Variants in PTPRN2 observed in about 807,000 individuals in gnomAD.
The protein encoded by PTPRN2 is receptor-type tyrosine-protein phosphatase N2.
A neutral mutation model predicts 118.8 loss-of-function variants in PTPRN2; 74 were observed. The ratio of observed to expected loss-of-function variants is 0.62; its 90% CI spans 0.52 to 0.76. The LOEUF (loss-of-function observed/expected upper bound fraction) is 0.76. Ranked by LOEUF, PTPRN2 falls within the 30% of genes least tolerant of loss-of-function variation. PTPRN2 has a pLI of 0.00. For missense variants in PTPRN2, 1,481 were observed against 1,394.4 expected, an observed-to-expected ratio of 1.06 and a Z score of -0.99; for synonymous variants, 641 against 608.0, an observed-to-expected ratio of 1.05 and a Z score of -0.80.
At chr7:157,838,290 C>T (rs572851836) in intron 12 of PTPRN2, among the ~76,000 whole-genome samples, 8 of 149,308 alleles carry the variant, frequency 5.4e-5, no homozygotes, top group Admixed American at 1.3e-4. Flanking sequence ...TCCAGTTCCT[C>T]TCGTAGTGGA....
intron 12 of PTPRN2, among the ~76,000 whole-genome samples, chr7:157,883,249 C>G (rs1049273522): frequency 6.8e-6 from 1 of 147,368 alleles, no homozygotes; most frequent in Non-Finnish European, 1.5e-5. Flanking sequence ...TGTCAGAGAC[C>G]AGAACACACC....
At chr7:157,662,928 C>G (rs1795964686) in intron 13 of PTPRN2, among the ~76,000 whole-genome samples, 1 of 152,154 alleles carries the variant, frequency 6.6e-6, no homozygotes, top group African/African-American at 2.4e-5. Context: ...CACCTAACCT[C>G]ACGGCTCAGC....
intron 1 of PTPRN2, among the ~76,000 whole-genome samples, chr7:158,503,464 C>A (rs1822519766): frequency 6.6e-6 from 1 of 152,210 alleles, no homozygotes; most frequent in Non-Finnish European, 1.5e-5. Context: ...GATGGCACCC[C>A]TTCCTCCCCC....
At chr7:158,411,534 G>A (rs930360522) in intron 2 of PTPRN2, among the ~76,000 whole-genome samples, 3 of 152,158 alleles carry the variant, frequency 2.0e-5, no homozygotes, top group Admixed American at 6.5e-5. Flanking sequence ...CTGTCGTCCC[G>A]GGAACAGGGG....
chr7:157,966,024 C>T (rs1345117984), intron 11 of PTPRN2, among the ~76,000 whole-genome samples: 1 of 152,144 alleles, frequency 6.6e-6, no homozygotes. Flanking sequence ...ACACAGAAAG[C>T]TTGATTCACA....
At chr7:157,595,183 C>A (rs377144395) in intron 17 of PTPRN2, 55 bp downstream of exon 17, 22 of 1,518,854 alleles carry the variant, frequency 1.4e-5, no homozygotes, top group East Asian at 1.4e-4. Flanking sequence ...GATTCGTGAC[C>A]CAGTTATTGA....
intron 1 of PTPRN2, among the ~76,000 whole-genome samples, chr7:158,491,409 G>A (rs1357316108): frequency 6.6e-6 from 1 of 152,312 alleles, no homozygotes; most frequent in Admixed American, 6.5e-5. Context: ...ACCCATTGAC[G>A]GGAGCCTCCA....
chr7:158,436,690 A>G (rs886434123), intron 2 of PTPRN2, among the ~76,000 whole-genome samples: 4 of 152,218 alleles, frequency 2.6e-5, no homozygotes, highest in African/African-American at 7.2e-5. Context: ...GGGAGTAGAG[A>G]ACTTGAATTG....
chr7:158,073,297 T>G (rs1266952181), intron 11 of PTPRN2, among the ~76,000 whole-genome samples: 1 of 152,236 alleles, frequency 6.6e-6, no homozygotes, highest in Non-Finnish European at 1.5e-5. Flanking sequence ...AGAGACAGCC[T>G]GTGAGCCGCG....
chr7:157,613,040 G>C (rs949150416), intron 15 of PTPRN2, among the ~76,000 whole-genome samples: 1 of 152,164 alleles, frequency 6.6e-6, no homozygotes, highest in Non-Finnish European at 1.5e-5. Flanking sequence ...CTTCCGGCCT[G>C]GGTGGCCGGA....
Position 157,990,077 on chromosome 7 carries a change from T to A in PTPRN2, c.1723+91221A>T, listed in dbSNP as rs929962044. Among the ~76,000 whole-genome samples, 2 of 152,036 alleles carry A rather than the reference T, an allele frequency of 1.3e-5. No homozygotes were observed. Among genetic ancestry groups the A allele is most frequent in the Non-Finnish European group, 2.9e-5 (2 of 68,016 alleles). On this transcript the variant is annotated intron_variant, in intron 11 of 22. Transcript: ENST00000389418. This position sits in a 1 kb window ranked among gnomAD's most constrained non-coding sequence, Gnocchi z 4.3. ...CAACAAAACCTGCCCTCCATCCCTC[T>A]ATGAAGAAAAATGCAAGTTGCTCTT...
At chr7:158,181,751 C>T (rs1050869733) in intron 5 of PTPRN2, among the ~76,000 whole-genome samples, 7 of 152,058 alleles carry the variant, frequency 4.6e-5, no homozygotes, top group African/African-American at 1.7e-4. Context: ...TCATAATAGT[C>T]GTGAATAATC....
At chr7:157,555,830 T>C (rs751329042) in intron 21 of PTPRN2, among the ~76,000 whole-genome samples, 1 of 152,210 alleles carries the variant, frequency 6.6e-6, no homozygotes, top group Non-Finnish European at 1.5e-5. Flanking sequence ...TGCATTCAAA[T>C]ACATGACGAA....
intron 2 of PTPRN2, among the ~76,000 whole-genome samples, chr7:158,400,548 T>C (rs1812856189): frequency 6.6e-6 from 1 of 152,160 alleles, no homozygotes. Flanking sequence ...GCTGCATCAT[T>C]ATGAAGCCAA....
At chr7:158,340,832 C>A (rs183448968) in intron 2 of PTPRN2, among the ~76,000 whole-genome samples, 24,139 of 64,786 alleles carry the variant, frequency 0.37, 2,099 homozygotes, top group Non-Finnish European at 0.48. Context: ...CACACCCACA[C>A]TCTCACCATA....
At chr7:158,072,099 TA>T (rs1811972759) in intron 11 of PTPRN2, among the ~76,000 whole-genome samples, 1 of 122,130 alleles carries the variant, frequency 8.2e-6, no homozygotes. Context: ...GTGCTCGTAG[TA>T]TGGAGGTGCT....
intron 6 of PTPRN2, 129 bp downstream of exon 6, chr7:158,166,802 T>G (rs1359192257): frequency 9.0e-6 from 11 of 1,216,906 alleles, no homozygotes; most frequent in Non-Finnish European, 1.2e-5. Context: ...GCCCCATTCC[T>G]GCCACGCGTC....
rs925743460 is a variant in PTPRN2 at position 157,596,694 on chromosome 7, C to G, written c.2419-1379G>C. Among the ~76,000 whole-genome samples the G allele has an allele frequency of 1.3e-5, 2 of 152,172 alleles. No homozygotes were observed. Among genetic ancestry groups the G allele is most frequent in the African/African-American group, 4.8e-5 (2 of 41,434 alleles). On this transcript the variant is annotated intron_variant, in intron 16 of 22. Transcript: ENST00000389418. The surrounding 1 kb of genome is among the most constrained non-coding windows in gnomAD (Gnocchi z 4.2). The stretch of plus-strand genomic sequence containing the variant: ...TCCCAGAAGCATCTGCAGAGACCGA[C>G]CCCCGGAGAGCCGGATGCTGCGCTG...
At position 157,656,424 on chromosome 7, in the gene PTPRN2, C is replaced by T. The variant is rs1488406367; in HGVS notation, c.2129G>A (p.Ser710Asn). 6.4e-7 allele frequency: 1 copy of T among 1,553,580 alleles called. No homozygotes were observed. Among genetic ancestry groups the T allele is most frequent in the East Asian group, 2.4e-5 (1 of 41,158 alleles). ...GPIPSPSARS[S>N]ASSWSEEPVQ... Reference sequence around the variant, plus strand: ...AGGCTCCTCGGACCAGGATGAGGCGCTGCTGCGTGCGGAGGGGCTGGGGAT... The same window carrying T: ...AGGCTCCTCGGACCAGGATGAGGCGTTGCTGCGTGCGGAGGGGCTGGGGAT... Residue 710 changes from serine (S) to asparagine (N), a missense_variant, in exon 14 of 23, where the codon AGC becomes AAC. This residue lies in a region of PTPRN2 where 1,115 missense variants were observed against 994.2 expected (regional missense o/e 1.12). Transcript: ENST00000389418.
Sources: gnomAD v4.1 joint callset for allele counts (sites outside exome capture counted in the v4.1 genomes callset) on GRCh38, gnomAD v4.1.1 for gene constraint, gnomAD v4.1.1 regional missense constraint, Gnocchi (gnomAD v3.1) non-coding constraint, MANE v1.5 for transcripts, NCBI Gene and HGNC (gene_info 2026-07-23, HGNC 2026-07-21) for gene names.